Variants in C1orf87 observed in about 807,000 individuals in gnomAD.
The protein encoded by C1orf87 is chromosome 1 open reading frame 87, also known as uncharacterized protein C1orf87.
A neutral mutation model predicts 60.5 loss-of-function variants in C1orf87; 58 were observed. That is an observed-to-expected ratio of 0.96 (90% confidence interval 0.78 to 1.19). The LOEUF (loss-of-function observed/expected upper bound fraction) is 1.19, where lower values mean the gene tolerates loss of function less well. Ranked by LOEUF, C1orf87 falls within the 50% of genes most tolerant of loss-of-function variation. C1orf87 has a pLI of 0.00. For synonymous variants in C1orf87, 236 were observed against 227.4 expected (o/e 1.04, Z -0.34); for missense variants, 673 against 638.6 (o/e 1.05, Z -0.58).
At chr1:60,061,440 C>A (rs1645495931) in intron 2 of C1orf87, among the ~76,000 whole-genome samples, 1 of 151,934 alleles carries the variant, frequency 6.6e-6, no homozygotes, top group Admixed American at 6.6e-5. Context: ...ATCTCTACAC[C>A]AACATTTTAA....
At position 60,040,276 on chromosome 1, in the gene C1orf87, G is replaced by A. The variant is rs1005155003; in HGVS notation, c.484-96C>T. The A allele has an allele frequency of 2.7e-6, 4 of 1,462,878 alleles. No individual in the cohort carries two copies. The Admixed American group carries it at 8.6e-5, about 32-fold the overall frequency. 90.6% of individuals were successfully genotyped at this position (1,462,878 alleles called of 1,614,324 possible). A position where few individuals can be genotyped will look rare whatever the true frequency, so the allele number is the denominator to read the frequency against. Reference sequence around the variant, plus strand: ...GAGGCACACTGGGGCTGGTATCTGAGTGTCCACTCGCAGTCCTGGCCTGGA... The same window carrying A: ...GAGGCACACTGGGGCTGGTATCTGAATGTCCACTCGCAGTCCTGGCCTGGA... On this transcript the variant is annotated intron_variant, in intron 4 of 11. Coordinates refer to ENST00000371201, the MANE Select transcript of C1orf87 (RefSeq NM_152377.3).
intron 3 of C1orf87, among the ~76,000 whole-genome samples, chr1:60,044,850 C>G (rs1176651368): frequency 1.3e-5 from 2 of 152,146 alleles, no homozygotes; most frequent in African/African-American, 2.4e-5. Context: ...CAAAATACCG[C>G]TTGGGGACCA....
chr1:60,034,280 G>A (rs927107137), intron 6 of C1orf87, among the ~76,000 whole-genome samples: 4 of 152,128 alleles, frequency 2.6e-5, no homozygotes, highest in Non-Finnish European at 5.9e-5. Context: ...TTAAATAATA[G>A]GTGAAAAACA....
At position 60,014,093 on chromosome 1, in the gene C1orf87, A is replaced by C. The variant is rs960197466; in HGVS notation, c.1128-3637T>G. Among the ~76,000 whole-genome samples, 5 of 152,086 alleles carry C rather than the reference A, an allele frequency of 3.3e-5. No homozygotes were observed. In the East Asian group the frequency reaches 9.7e-4, roughly 29 times the overall value. ...TTGCTTACTTCAACTTTCTGCTGTC[A>C]TTCTTGATAGTTGAGCTCTCCAAAT... On this transcript the variant is annotated intron_variant, in intron 8 of 11. Transcript: ENST00000371201.
chr1:60,000,967 G>T (rs1308403773), intron 10 of C1orf87, 110 bp downstream of exon 10: 3 of 866,114 alleles, frequency 3.5e-6, no homozygotes, highest in African/African-American at 1.7e-5. Flanking sequence ...TGACATCAAG[G>T]GTTTGGGAGA....
intron 2 of C1orf87, among the ~76,000 whole-genome samples, 162 bp from the exon 3 acceptor site, chr1:60,055,600 C>T (rs920642437): frequency 1.3e-5 from 2 of 152,102 alleles, no homozygotes; most frequent in African/African-American, 4.8e-5. Context: ...CATCATTGAC[C>T]ATAGAGAGAA....
intron 6 of C1orf87, among the ~76,000 whole-genome samples, chr1:60,034,926 CT>C (rs774637199): frequency 0.013 from 1,805 of 143,174 alleles, 11 homozygotes; most frequent in Middle Eastern, 0.035. Context: ...ATATTATTTC[CT>C]TTTTTTTTTT....
In C1orf87 at chr1:59,997,779, G is replaced by A. The variant is rs1644973660; in HGVS notation, c.1310C>T (p.Pro437Leu). ...PEEELQPESS[P>L]AETSACKDPL... ...ATCTTTGCAGGCTGAAGTTTCAGCAGGAGAGCTTTCTGGCTGCAGCTCCTC... is the reference window on the plus strand; with the variant it reads ...ATCTTTGCAGGCTGAAGTTTCAGCAAGAGAGCTTTCTGGCTGCAGCTCCTC... The change falls in exon 11 of 12, where the codon CCT becomes CTT. Residue 437 changes from proline (P) to leucine (L), a missense_variant. By Grantham distance (98) the Pro-to-Leu change is moderately conservative (BLOSUM62 -3). Coordinates refer to ENST00000371201, the MANE Select transcript of C1orf87 (RefSeq NM_152377.3). 2 of 1,613,720 alleles carry A rather than the reference G, an allele frequency of 1.2e-6. No individual in the cohort carries two copies. Among genetic ancestry groups the A allele is most frequent in the Non-Finnish European group, 1.7e-6 (2 of 1,179,868 alleles).
At chr1:60,011,441 C>T (rs1645084504) in intron 8 of C1orf87, among the ~76,000 whole-genome samples, 1 of 151,822 alleles carries the variant, frequency 6.6e-6, no homozygotes, top group South Asian at 2.1e-4. Flanking sequence ...CCCTTCTTCC[C>T]TCCCTCACTT....
At chr1:60,060,561 A>G (rs1645489928) in intron 2 of C1orf87, among the ~76,000 whole-genome samples, 1 of 152,180 alleles carries the variant, frequency 6.6e-6, no homozygotes, top group Non-Finnish European at 1.5e-5. Flanking sequence ...TCAAAAAGTA[A>G]AGGTTTTGTA....
At chr1:60,018,309 A>G (rs1400802718) in intron 8 of C1orf87, among the ~76,000 whole-genome samples, 1 of 152,206 alleles carries the variant, frequency 6.6e-6, no homozygotes. Flanking sequence ...TATAAATGCA[A>G]TTCTTTTTTA....
chr1:60,032,417 C>T (rs1315994706), intron 7 of C1orf87, among the ~76,000 whole-genome samples: 1 of 147,260 alleles, frequency 6.8e-6, no homozygotes, highest in African/African-American at 2.5e-5. Flanking sequence ...TTCAATTGGC[C>T]TCTTTGAGAC....
chr1:60,072,232 C>A (rs371191551), intron 2 of C1orf87, among the ~76,000 whole-genome samples: 1 of 152,140 alleles, frequency 6.6e-6, no homozygotes, highest in East Asian at 1.9e-4. Flanking sequence ...TGGTAGATTA[C>A]AAGCCCGATG....
At chr1:60,060,644 C>G (rs1645490479) in intron 2 of C1orf87, among the ~76,000 whole-genome samples, 1 of 152,060 alleles carries the variant, frequency 6.6e-6, no homozygotes, top group African/African-American at 2.4e-5. Context: ...ATCTGGCCAC[C>G]TTGTTATTTA....
At position 60,058,791 on chromosome 1, in the gene C1orf87, A is replaced by T. The variant is rs569330147; in HGVS notation, c.108-3353T>A. On this transcript the variant is annotated intron_variant, in intron 2 of 11. Coordinates refer to ENST00000371201, the MANE Select transcript of C1orf87 (RefSeq NM_152377.3). The stretch of plus-strand genomic sequence containing the variant: ...TGGCAGTAGAGTCAGAGGAAGGTCC[A>T]TGGAAGTTTGGGATTATGTGAGGAG... 3.9e-5 allele frequency among the ~76,000 whole-genome samples: 6 copies of T among 152,330 alleles called. No homozygotes were observed. In the East Asian group the frequency reaches 1.2e-3, roughly 29 times the overall value.
chr1:60,061,468 A>T (rs1366717299), intron 2 of C1orf87, among the ~76,000 whole-genome samples: 2 of 152,268 alleles, frequency 1.3e-5, no homozygotes, highest in Admixed American at 1.3e-4. Flanking sequence ...ATGGTATTTC[A>T]TTATATAGAT....
At chr1:60,073,115 A>G (rs895275417) in intron 1 of C1orf87, among the ~76,000 whole-genome samples, 10 of 152,226 alleles carry the variant, frequency 6.6e-5, no homozygotes, top group Non-Finnish European at 1.5e-4. Flanking sequence ...AGATCAGGGT[A>G]ATTCTAGGTC....
At chr1:60,036,161 G>A (rs1011105554) in intron 6 of C1orf87, among the ~76,000 whole-genome samples, 9 of 152,088 alleles carry the variant, frequency 5.9e-5, no homozygotes, top group Admixed American at 3.3e-4. Context: ...TGGCAGTATT[G>A]TTTTCTTTGG....
At chr1:60,032,716 G>A (rs1645247879) in intron 7 of C1orf87, among the ~76,000 whole-genome samples, 2 of 152,186 alleles carry the variant, frequency 1.3e-5, no homozygotes, top group South Asian at 4.2e-4. Context: ...TGGGTTACAG[G>A]CATGAGCCAC....
Sources: allele counts gnomAD v4.1 joint callset (sites outside exome capture counted in the v4.1 genomes callset), GRCh38; gene constraint gnomAD v4.1.1; transcripts MANE v1.5; gene names NCBI Gene and HGNC (gene_info 2026-07-23, HGNC 2026-07-21).